Variants in VAV3 observed in about 807,000 individuals in gnomAD.
VAV3 encodes the protein vav guanine nucleotide exchange factor 3, also known as guanine nucleotide exchange factor VAV3.
Under a neutral mutation model 131.2 loss-of-function variants are expected in VAV3, and 94 were observed. The observed-to-expected ratio is 0.72, with a 90% confidence interval of 0.61 to 0.85. The LOEUF (loss-of-function observed/expected upper bound fraction) is 0.85. Ranked by LOEUF, VAV3 falls within the 40% of genes least tolerant of loss-of-function variation. VAV3 has a pLI of 0.00. For missense variants in VAV3, 939 were observed against 1,002.7 expected (o/e 0.94, Z 0.86); for synonymous variants, 349 against 342.0 (o/e 1.02, Z -0.22).
chr1:107,598,384 AAC>A (rs1651564346), intron 24 of VAV3, among the ~76,000 whole-genome samples: 1 of 151,266 alleles, frequency 6.6e-6, no homozygotes, highest in Non-Finnish European at 1.5e-5. Context: ...AACACCAAAA[AAC>A]ACACACACAA....
chr1:107,584,672 T>C (rs974046271), intron 25 of VAV3, among the ~76,000 whole-genome samples: 1 of 152,206 alleles, frequency 6.6e-6, no homozygotes, highest in African/African-American at 2.4e-5. Context: ...CAAATTTCTG[T>C]TAACCCAAAG....
At chr1:107,684,427 C>T (rs2101746355) in intron 18 of VAV3, among the ~76,000 whole-genome samples, 1 of 152,298 alleles carries the variant, frequency 6.6e-6, no homozygotes, top group South Asian at 2.1e-4. Context: ...ATTCAGAGCA[C>T]ACTTGGCTGT....
intron 25 of VAV3, among the ~76,000 whole-genome samples, chr1:107,592,320 T>C (rs1651034487): frequency 6.6e-6 from 1 of 152,152 alleles, no homozygotes; most frequent in Non-Finnish European, 1.5e-5. Flanking sequence ...CACCAAAGTG[T>C]TGGTTTGTCC....
At chr1:107,855,148 T>G (rs1201000500) in intron 2 of VAV3, among the ~76,000 whole-genome samples, 3 of 152,206 alleles carry the variant, frequency 2.0e-5, no homozygotes, top group African/African-American at 7.2e-5. Context: ...TAAGTCTAAC[T>G]GCAAGGAGGC....
intron 5 of VAV3, among the ~76,000 whole-genome samples, chr1:107,771,206 ATTCTGGAATC>A (rs1179845383): frequency 1.3e-5 from 2 of 151,006 alleles, no homozygotes; most frequent in African/African-American, 4.9e-5. Flanking sequence ...AAAATCAAAG[ATTCTGGAATC>A]TGATGGAATT....
chr1:107,699,681 T>G (rs958657685), intron 17 of VAV3, among the ~76,000 whole-genome samples: 1 of 151,926 alleles, frequency 6.6e-6, no homozygotes, highest in African/African-American at 2.4e-5. Flanking sequence ...TCCAGACATT[T>G]CCATATATCC....
intron 1 of VAV3, among the ~76,000 whole-genome samples, chr1:107,957,316 C>A (rs932238233): frequency 1.3e-5 from 2 of 152,116 alleles, no homozygotes; most frequent in African/African-American, 4.8e-5. Flanking sequence ...CACCTCCTTT[C>A]TCTGGCCTTA....
chr1:107,778,363 G>T (rs1412326402), intron 3 of VAV3, among the ~76,000 whole-genome samples: 2 of 151,566 alleles, frequency 1.3e-5, no homozygotes, highest in Non-Finnish European at 2.9e-5. Flanking sequence ...TTTGACTTAC[G>T]TTTTTTCAGA....
intron 1 of VAV3, among the ~76,000 whole-genome samples, chr1:107,900,894 T>C (rs1671825668): frequency 6.6e-6 from 1 of 152,236 alleles, no homozygotes; most frequent in Non-Finnish European, 1.5e-5. Context: ...GTTATTTTTT[T>C]ACTCACTCAG....
intron 2 of VAV3, among the ~76,000 whole-genome samples, chr1:107,835,035 A>C (rs528497021): frequency 4.6e-5 from 7 of 152,108 alleles, no homozygotes; most frequent in Non-Finnish European, 1.0e-4. Flanking sequence ...ATGCTCTAAT[A>C]AGCACCCATC....
chr1:107,624,590 A>G (rs1215941014), intron 20 of VAV3, among the ~76,000 whole-genome samples: 4 of 152,184 alleles, frequency 2.6e-5, no homozygotes, highest in African/African-American at 9.6e-5. Flanking sequence ...AGGCTTAACA[A>G]AGGTCCAAAG....
intron 19 of VAV3, among the ~76,000 whole-genome samples, chr1:107,681,871 A>G (rs1039719143): frequency 1.1e-4 from 16 of 152,178 alleles, no homozygotes; most frequent in African/African-American, 2.9e-4. Flanking sequence ...CGTGTTAGCC[A>G]GGATGGTCTC....
At chr1:107,937,497 C>T (rs1037107640) in intron 1 of VAV3, among the ~76,000 whole-genome samples, 4 of 152,186 alleles carry the variant, frequency 2.6e-5, no homozygotes, top group Non-Finnish European at 2.9e-5. Context: ...AAACTTACAC[C>T]ATTGGTATCC....
chr1:107,942,081 G>A (rs1674019958), intron 1 of VAV3, among the ~76,000 whole-genome samples: 2 of 152,084 alleles, frequency 1.3e-5, no homozygotes, highest in African/African-American at 4.8e-5. Context: ...AGTGATACCT[G>A]CCTGCCCAAT....
intron 25 of VAV3, among the ~76,000 whole-genome samples, chr1:107,591,686 G>T (rs1436418545): frequency 6.6e-6 from 1 of 152,134 alleles, no homozygotes; most frequent in Non-Finnish European, 1.5e-5. Context: ...ACTTAAAGTA[G>T]CAAGGAGAGC....
chr1:107,899,975 T>C (rs565332201), intron 1 of VAV3, among the ~76,000 whole-genome samples: 2 of 152,318 alleles, frequency 1.3e-5, no homozygotes, highest in South Asian at 4.1e-4. Flanking sequence ...TCTTTCTCCA[T>C]AAAATTCCTT....
chr1:107,578,107 C>G (rs1462783001), intron 25 of VAV3, among the ~76,000 whole-genome samples: 1 of 152,166 alleles, frequency 6.6e-6, no homozygotes, highest in Non-Finnish European at 1.5e-5. Context: ...TTCCCAGACA[C>G]CACCCAAACA....
chr1:107,816,752 G>T (rs753606353), intron 2 of VAV3, among the ~76,000 whole-genome samples: 1 of 152,160 alleles, frequency 6.6e-6, no homozygotes, highest in Non-Finnish European at 1.5e-5. Context: ...AGGAATATAT[G>T]AACCTTTTAG....
intron 2 of VAV3, among the ~76,000 whole-genome samples, chr1:107,859,831 C>T (rs1466584000): frequency 6.6e-6 from 1 of 152,080 alleles, no homozygotes; most frequent in African/African-American, 2.4e-5. Context: ...TCAATCATGT[C>T]AAATTCAAAG....
Sources: allele counts gnomAD v4.1 joint callset (sites outside exome capture counted in the v4.1 genomes callset), GRCh38; gene constraint gnomAD v4.1.1; transcripts MANE v1.5; gene names NCBI Gene and HGNC (gene_info 2026-07-23, HGNC 2026-07-21).